The following TRMT9B variants were observed in gnomAD, a reference collection of about 807,000 sequenced individuals.
The protein encoded by TRMT9B is tRNA methyltransferase 9B (putative), also known as probable tRNA methyltransferase 9B.
TRMT9B carries 16 observed loss-of-function variants against 11.5 expected under a neutral mutation model. That is an observed-to-expected ratio of 1.39 (90% CI 0.94 to 2.11). TRMT9B has a LOEUF of 2.11. Among genes scored for constraint, TRMT9B ranks in the 30% most tolerant of loss-of-function variants. TRMT9B has a pLI of 0.00. For missense variants in TRMT9B, 941 were observed against 553.8 expected, an observed-to-expected ratio of 1.70 and a Z score of -7.02; for synonymous variants, 274 against 192.4, an observed-to-expected ratio of 1.42 and a Z score of -3.51.
chr8:13,006,507 C>G (rs1198440497), intron 3 of TRMT9B, 151 bp downstream of exon 3: 2 of 1,476,220 alleles, frequency 1.4e-6, no homozygotes, highest in African/African-American at 1.4e-5. Flanking sequence ...CATGAAATAC[C>G]TTCCATTGAG....
chr8:12,994,845 CTAA>C (rs1434627233), intron 2 of TRMT9B, among the ~76,000 whole-genome samples: 1 of 152,110 alleles, frequency 6.6e-6, no homozygotes, highest in Non-Finnish European at 1.5e-5. Context: ...CCATGCCCGG[CTAA>C]TGTTTGTATT....
chr8:13,012,785 G>T lies in TRMT9B; in HGVS notation c.256G>T (p.Glu86Ter). 6.2e-7 allele frequency: 1 copy of T among 1,613,958 alleles called. No individual in the cohort carries two copies. The highest frequency in any genetic ancestry group is 8.5e-7 in the Non-Finnish European group (1 of 1,179,886). ...LVEIARNRGC[E>*]AMVCDNLNLP... ...AGAGATTGCCCGGAATAGAGGATGT[G>T]AAGCCATGGTATGTGACAACCTTAA... The change falls in exon 4 of 5, where the codon GAA becomes TAA. Residue 86 changes from glutamate to a stop codon, truncating the protein, a stop_gained. Coordinates refer to ENST00000524591, the MANE Select transcript of TRMT9B (RefSeq NM_020844.3). LOFTEE classifies it high-confidence loss of function.
At chr8:13,015,606 G>C (rs1238285962) in intron 4 of TRMT9B, among the ~76,000 whole-genome samples, 1 of 151,936 alleles carries the variant, frequency 6.6e-6, no homozygotes, top group African/African-American at 2.4e-5. Context: ...CACCTGCCTT[G>C]GCCTCCCAAA....
chr8:12,976,918 A>C (rs771104634), intron 1 of TRMT9B, among the ~76,000 whole-genome samples: 1 of 152,106 alleles, frequency 6.6e-6, no homozygotes, highest in Non-Finnish European at 1.5e-5. Context: ...AGTTGGGGTA[A>C]TACATTAACT....
chr8:13,022,582 G>C lies in TRMT9B; in HGVS notation c.*538G>C, dbSNP rs997537269. 1 of 167,124 alleles carries C rather than the reference G, an allele frequency of 6.0e-6. No individual in the cohort carries two copies. Among genetic ancestry groups the C allele is most frequent in the African/African-American group, 2.4e-5 (1 of 41,460 alleles). 10.4% of individuals were successfully genotyped at this position (167,124 alleles called of 1,614,324 possible). On this transcript the variant is annotated 3_prime_UTR_variant, in exon 5 of 5. Coordinates refer to ENST00000524591, the MANE Select transcript of TRMT9B (RefSeq NM_020844.3). Reference sequence around the variant, plus strand: ...ACTTAAAGTTTTCAGAAAACTGAGTGACAGTGGAGAGAAACAAGAAGTTTT... The same window carrying C: ...ACTTAAAGTTTTCAGAAAACTGAGTCACAGTGGAGAGAAACAAGAAGTTTT...
chr8:12,956,899 T>C (rs1435353959), intron 1 of TRMT9B, among the ~76,000 whole-genome samples: 4 of 152,220 alleles, frequency 2.6e-5, no homozygotes, highest in African/African-American at 9.6e-5. Flanking sequence ...TTTTAAGCAG[T>C]AAATTACCAG....
At chr8:12,991,330 G>A (rs777614198) in intron 2 of TRMT9B, among the ~76,000 whole-genome samples, 37 of 152,126 alleles carry the variant, frequency 2.4e-4, no homozygotes, top group Admixed American at 5.9e-4. Flanking sequence ...AATATCATTT[G>A]TACTTGGAAA....
intron 1 of TRMT9B, among the ~76,000 whole-genome samples, chr8:12,987,718 C>G (rs986586730): frequency 1.3e-5 from 2 of 151,982 alleles, no homozygotes. Flanking sequence ...TTTAATACAA[C>G]TAACCTACAG....
chr8:12,962,239 A>G (rs994177978), intron 1 of TRMT9B: 2 of 152,240 alleles, frequency 1.3e-5, no homozygotes, highest in Non-Finnish European at 2.9e-5. Context: ...GCTTCATCAT[A>G]TGCCATTCCC....
chr8:12,985,165 C>T (rs939783833), intron 1 of TRMT9B, among the ~76,000 whole-genome samples: 1 of 152,142 alleles, frequency 6.6e-6, no homozygotes, highest in African/African-American at 2.4e-5. Flanking sequence ...AGATAAACGC[C>T]CCTCACGTTG....
At chr8:12,984,381 G>A (rs549517517) in intron 1 of TRMT9B, among the ~76,000 whole-genome samples, 49 of 152,264 alleles carry the variant, frequency 3.2e-4, no homozygotes, top group African/African-American at 7.9e-4. Flanking sequence ...ATAATTCATC[G>A]TCACGTTTCC....
At chr8:12,977,572 A>G (rs6531016) in intron 1 of TRMT9B, among the ~76,000 whole-genome samples, 123,007 of 151,822 alleles carry the variant, frequency 0.81, 49,911 homozygotes, top group Admixed American at 0.86. Context: ...GTGGTGGCAC[A>G]TGCCTATAAT....
intron 1 of TRMT9B, among the ~76,000 whole-genome samples, chr8:12,954,465 C>T (rs1487185902): frequency 6.6e-6 from 1 of 152,222 alleles, no homozygotes; most frequent in South Asian, 2.1e-4. Context: ...CTGTTTACTA[C>T]ATGTCACTGT....
At chr8:12,967,626 T>G (rs1803003001) in intron 1 of TRMT9B, among the ~76,000 whole-genome samples, 1 of 152,202 alleles carries the variant, frequency 6.6e-6, no homozygotes, top group Non-Finnish European at 1.5e-5. Context: ...AGCAGCTCAT[T>G]AACAATGGCA....
chr8:12,985,262 T>C (rs1377646297), intron 1 of TRMT9B, among the ~76,000 whole-genome samples: 1 of 152,156 alleles, frequency 6.6e-6, no homozygotes, highest in African/African-American at 2.4e-5. Flanking sequence ...CGGTGCAACA[T>C]ATTTTGTTGT....
chr8:12,962,988 G>A (rs1802332915), intron 1 of TRMT9B, among the ~76,000 whole-genome samples: 2 of 152,154 alleles, frequency 1.3e-5, no homozygotes, highest in Non-Finnish European at 2.9e-5. Context: ...CATGATTTGG[G>A]GGTTTGATTT....
rs1382253935 is a variant in TRMT9B at position 13,023,027 on chromosome 8, G to A, written c.*983G>A. On this transcript the variant is annotated 3_prime_UTR_variant, in exon 5 of 5. Transcript: ENST00000524591. ...TAATAAAGGCGTTGTTAGCTTGTAAGGAGTGGAGTATGTAGGTAGTAGGAG... is the reference window on the plus strand; with the variant it reads ...TAATAAAGGCGTTGTTAGCTTGTAAAGAGTGGAGTATGTAGGTAGTAGGAG... 1 of 167,090 alleles carries A rather than the reference G, an allele frequency of 6.0e-6. No homozygotes were observed. Among genetic ancestry groups the A allele is most frequent in the South Asian group, 2.1e-4 (1 of 4,812 alleles). The allele number at this position is 167,090 out of a possible 1,614,324, so 10.4% of individuals were successfully genotyped here. A position where few individuals can be genotyped will look rare whatever the true frequency, so the allele number is the denominator to read the frequency against.
chr8:12,981,714 C>G (rs1805423356), intron 1 of TRMT9B, among the ~76,000 whole-genome samples: 1 of 152,040 alleles, frequency 6.6e-6, no homozygotes, highest in African/African-American at 2.4e-5. Context: ...ATCATCCAGC[C>G]TCAGTCTCCT....
chr8:12,959,516 C>CTTTTT (rs61536433), intron 1 of TRMT9B, among the ~76,000 whole-genome samples: 5,313 of 74,716 alleles, frequency 0.071, 769 homozygotes, highest in African/African-American at 0.14. Context: ...TTTTTCCTTC[C>CTTTTT]TTTTTTTTTT....
Sources: gnomAD v4.1 joint callset for allele counts (sites outside exome capture counted in the v4.1 genomes callset) on GRCh38, gnomAD v4.1.1 for gene constraint, MANE v1.5 for transcripts, NCBI Gene and HGNC (gene_info 2026-07-23, HGNC 2026-07-21) for gene names.